OR1B1: variants seen among roughly 807,000 people sequenced by gnomAD.
OR1B1 encodes olfactory receptor family 1 subfamily B member 1.
For synonymous variants in OR1B1, 168 were observed against 156.2 expected (o/e 1.08, Z -0.57); for missense variants, 414 against 402.1 (o/e 1.03, Z -0.25).
At chr9:122,648,240 A>C in the OR1B1 span, among the ~76,000 whole-genome samples, 1 of 152,208 alleles carries the variant, frequency 6.6e-6, no homozygotes, top group Non-Finnish European at 1.5e-5. Flanking sequence ...CCTGGGATGC[A>C]AGGCTGGTTC....
At chr9:122,629,371 G>A (rs1328059584) in exon 1 of OR1B1, 2 of 1,613,962 alleles carry the variant, frequency 1.2e-6, no homozygotes, top group Admixed American at 3.3e-5. Context: ...AGTGCAGTCT[G>A]GAGTCCCAGG....
rs1476860 is a variant in OR1B1 at position 122,628,962 on chromosome 9, G to A, written c.574C>T (p.Arg192Ter). The change falls in exon 1 of 1, where the codon CGA becomes TGA. Residue 192 changes from arginine to a stop codon, truncating the protein, a stop_gained. Transcript: ENST00000623530. LOFTEE classifies it low-confidence loss of function (END_TRUNC). Reference sequence around the variant, plus strand: ...GAATGTATGTCAGAACAAGAGGCTCGCAGAAGTGGCCGGTGGTCACAAAAG... The same window carrying A: ...GAATGTATGTCAGAACAAGAGGCTCACAGAAGTGGCCGGTGGTCACAAAAG... The A allele has an allele frequency of 0.31, 496,172 of 1,613,450 alleles. 83,449 individuals are homozygous for A. Among genetic ancestry groups the A allele is most frequent in the East Asian group, 0.6 (26,815 of 44,822 alleles).
upstream of OR1B1, among the ~76,000 whole-genome samples, chr9:122,631,600 ATGGCAGGTGACAGG>A (rs1165598514): frequency 1.3e-5 from 2 of 152,228 alleles, no homozygotes; most frequent in African/African-American, 4.8e-5. Flanking sequence ...GGAGGTAGTG[ATGGCAGGTGACAGG>A]TGGCAGGTAG....
At chr9:122,653,910 T>C in the OR1B1 span, among the ~76,000 whole-genome samples, 3 of 152,162 alleles carry the variant, frequency 2.0e-5, no homozygotes, top group African/African-American at 7.2e-5. Context: ...TATAATTTAG[T>C]TTCCATCAAA....
At chr9:122,657,222 A>G in the OR1B1 span, among the ~76,000 whole-genome samples, 1 of 151,298 alleles carries the variant, frequency 6.6e-6, no homozygotes, top group African/African-American at 2.4e-5. Flanking sequence ...AATACAAATA[A>G]TAGAAAATTG....
chr9:122,645,621 T>C, the OR1B1 span, among the ~76,000 whole-genome samples: 1 of 151,874 alleles, frequency 6.6e-6, no homozygotes, highest in East Asian at 1.9e-4. Flanking sequence ...CAGGAGAGAG[T>C]GGCATGATAT....
At chr9:122,644,155 T>C in the OR1B1 span, among the ~76,000 whole-genome samples, 23 of 151,212 alleles carry the variant, frequency 1.5e-4, no homozygotes, top group Admixed American at 3.3e-4. Context: ...AATCAGGCTA[T>C]TGGGGTCTCT....
chr9:122,632,722 A>G (rs1490830758), upstream of OR1B1, among the ~76,000 whole-genome samples: 1 of 152,208 alleles, frequency 6.6e-6, no homozygotes, highest in Non-Finnish European at 1.5e-5. Flanking sequence ...GAAAGCAGCT[A>G]ATTCTAAGAA....
At chr9:122,635,459 CAT>C in the OR1B1 span, among the ~76,000 whole-genome samples, 5 of 152,122 alleles carry the variant, frequency 3.3e-5, no homozygotes, top group South Asian at 1.0e-3. Flanking sequence ...AGCAAGAAGA[CAT>C]ATTAATAATA....
chr9:122,628,929 G>T (rs757400688), exon 1 of OR1B1: 19 of 1,614,092 alleles, frequency 1.2e-5, no homozygotes, highest in Middle Eastern at 3.3e-4. Context: ...AATATGGCCA[G>T]CTCATTAGAA....
At chr9:122,635,404 CAA>C in the OR1B1 span, among the ~76,000 whole-genome samples, 1 of 152,068 alleles carries the variant, frequency 6.6e-6, no homozygotes, top group African/African-American at 2.4e-5. Context: ...TCAAAAGATA[CAA>C]AGTTACAGTT....
the OR1B1 span, among the ~76,000 whole-genome samples, chr9:122,638,917 C>G: frequency 6.6e-6 from 1 of 152,144 alleles, no homozygotes; most frequent in Non-Finnish European, 1.5e-5. Flanking sequence ...ATGGAAGGCT[C>G]ATAACGGACT....
chr9:122,652,872 C>G, the OR1B1 span, among the ~76,000 whole-genome samples: 1 of 152,156 alleles, frequency 6.6e-6, no homozygotes, highest in Non-Finnish European at 1.5e-5. Context: ...TTCAACTTGT[C>G]TCTTACGGAA....
chr9:122,639,033 G>T, the OR1B1 span, among the ~76,000 whole-genome samples: 1 of 152,042 alleles, frequency 6.6e-6, no homozygotes, highest in South Asian at 2.1e-4. Context: ...TACTCACTTG[G>T]TTTTAAATAT....
At chr9:122,631,522 G>A (rs1342140584), upstream of OR1B1, among the ~76,000 whole-genome samples, 1 of 152,070 alleles carries the variant, frequency 6.6e-6, no homozygotes, top group Non-Finnish European at 1.5e-5. Flanking sequence ...AGAACATAAG[G>A]GAAATACAAG....
At chr9:122,643,193 A>T in the OR1B1 span, among the ~76,000 whole-genome samples, 1 of 152,144 alleles carries the variant, frequency 6.6e-6, no homozygotes, top group African/African-American at 2.4e-5. Flanking sequence ...ACTCCATATC[A>T]TGGAAGGCTA....
At chr9:122,643,607 G>A in the OR1B1 span, among the ~76,000 whole-genome samples, 310 of 152,342 alleles carry the variant, frequency 2.0e-3, 1 homozygote, top group African/African-American at 7.1e-3. Context: ...AACTAGGGTG[G>A]CACGTGACCC....
upstream of OR1B1, among the ~76,000 whole-genome samples, chr9:122,634,205 A>C (rs560962482): frequency 1.6e-3 from 242 of 152,110 alleles, no homozygotes; most frequent in African/African-American, 5.5e-3. Context: ...GCGTGGTGGC[A>C]CATACCTGTA....
the OR1B1 span, among the ~76,000 whole-genome samples, chr9:122,639,165 C>T: frequency 6.6e-6 from 1 of 152,056 alleles, no homozygotes; most frequent in African/African-American, 2.4e-5. Flanking sequence ...GGGTAACCAA[C>T]CTTTAGAATC....
Sources: gnomAD v4.1 joint callset for allele counts (sites outside exome capture counted in the v4.1 genomes callset) on GRCh38, gnomAD v4.1.1 for gene constraint, MANE v1.5 for transcripts, NCBI Gene and HGNC (gene_info 2026-07-23, HGNC 2026-07-21) for gene names.